Variants in MPDZ observed in about 807,000 individuals in gnomAD.
MPDZ encodes multiple PDZ domain crumbs cell polarity complex component.
A neutral mutation model predicts 239.1 loss-of-function variants in MPDZ; 234 were observed. The ratio of observed to expected loss-of-function variants is 0.98; its 90% confidence interval spans 0.88 to 1.09. The LOEUF is 1.09. Among genes scored for constraint, MPDZ ranks in the 50% least tolerant of loss-of-function variants. The pLI, the probability that MPDZ is intolerant of heterozygous loss-of-function variation, is 0.00. For missense variants in MPDZ, 3,175 were observed against 2,510.0 expected (o/e 1.26, Z -5.66); for synonymous variants, 1,048 against 881.3 (o/e 1.19, Z -3.35).
intron 3 of MPDZ, among the ~76,000 whole-genome samples, chr9:13,230,267 G>A (rs561219959): frequency 3.3e-5 from 5 of 152,120 alleles, no homozygotes; most frequent in Middle Eastern, 6.8e-3. Context: ...AACTAGATAT[G>A]CATTTACCAT....
At chr9:13,184,185 G>T (rs1953766101) in intron 18 of MPDZ, among the ~76,000 whole-genome samples, 1 of 151,984 alleles carries the variant, frequency 6.6e-6, no homozygotes, top group Non-Finnish European at 1.5e-5. Flanking sequence ...AAACTTGTAA[G>T]AAAACTCATA....
At chr9:13,155,797 T>C (rs753476955) in intron 24 of MPDZ, among the ~76,000 whole-genome samples, 3 of 152,186 alleles carry the variant, frequency 2.0e-5, no homozygotes, top group Admixed American at 6.6e-5. Context: ...GGTTACTCCA[T>C]TAAGCTTTCT....
chr9:13,119,979 C>A (rs995486782), intron 38 of MPDZ: 15 of 259,802 alleles, frequency 5.8e-5, no homozygotes, highest in African/African-American at 3.0e-4. Flanking sequence ...AAGAGTCAGT[C>A]CTTGGATGCA....
Position 13,221,400 on chromosome 9 carries a change from G to C in MPDZ, c.848C>G (p.Thr283Ser). 3.1e-6 allele frequency: 5 copies of C among 1,610,176 alleles called. No individual in the cohort carries two copies. The highest frequency in any genetic ancestry group is 1.1e-5 in the South Asian group (1 of 90,740). The change falls in exon 7 of 47, where the codon ACC becomes AGC. Residue 283 changes from threonine (T) to serine (S), a missense_variant. By Grantham distance (58) the Thr-to-Ser change is moderately conservative. Transcript: ENST00000319217. ...ATCAGCTACTCCTCCAGGCAGAATGGTTTTTACTATCACACCAGTTGCTTT... is the reference window on the plus strand; with the variant it reads ...ATCAGCTACTCCTCCAGGCAGAATGCTTTTTACTATCACACCAGTTGCTTT... ...GGKATGVIVK[T>S]ILPGGVADQH...
At position 13,140,009 on chromosome 9, in the gene MPDZ, C is replaced by T. The variant is rs753824854; in HGVS notation, c.3981G>A (p.Glu1327=). 32 of 1,613,274 alleles carry T rather than the reference C, an allele frequency of 2.0e-5. No homozygotes were observed. The highest frequency in any genetic ancestry group is 2.4e-5 in the Non-Finnish European group (28 of 1,179,652). ...TACTCCAGCTGTAACCAAACTCATC[C>T]TCTTTGTCCACATCTTGTGAGATTT... ...ASKISQDVDK[E]DEFGYSWKNI... is the part of the protein sequence containing the mutation. The change falls in exon 28 of 47, where the codon GAG becomes GAA. Residue 1327 remains glutamate (E), a synonymous_variant. Coordinates refer to ENST00000319217, the MANE Select transcript of MPDZ (RefSeq NM_001378778.1).
At chr9:13,198,126 T>C (rs934707340) in intron 12 of MPDZ, among the ~76,000 whole-genome samples, 7 of 152,268 alleles carry the variant, frequency 4.6e-5, no homozygotes, top group African/African-American at 1.7e-4. Context: ...GTAGGACTGC[T>C]GGATCATATG....
intron 3 of MPDZ, among the ~76,000 whole-genome samples, chr9:13,236,249 G>A (rs11792384): frequency 0.74 from 25,340 of 34,026 alleles, 9,570 homozygotes; most frequent in East Asian, 0.95. Flanking sequence ...GTGTGTGTGT[G>A]TATATATATA....
In MPDZ at chr9:13,215,017, T is replaced by C. The variant is rs117557763; in HGVS notation, c.1290+1757A>G. 1.6e-4 allele frequency among the ~76,000 whole-genome samples: 25 copies of C among 152,130 alleles called. No individual in the cohort carries two copies. In the East Asian group the frequency reaches 4.9e-3, roughly 30 times the overall value. On this transcript the variant is annotated intron_variant, in intron 10 of 46. Coordinates refer to ENST00000319217, the MANE Select transcript of MPDZ (RefSeq NM_001378778.1). ...TATTTACCATCTTACCCATTTTGAA[T>C]AGTACAATTCAATAGTGCTAAGTAT...
chr9:13,142,977 A>C (rs1319183745), intron 27 of MPDZ, among the ~76,000 whole-genome samples: 1 of 152,160 alleles, frequency 6.6e-6, no homozygotes, highest in Admixed American at 6.6e-5. Context: ...TTCCTGATTC[A>C]GGCAATTACA....
chr9:13,115,282 AAT>A lies in MPDZ; in HGVS notation c.5430_5431del (p.Phe1811ProfsTer14). On this transcript the variant is annotated frameshift_variant, in exon 40 of 47. Coordinates refer to ENST00000319217, the MANE Select transcript of MPDZ (RefSeq NM_001378778.1). LOFTEE classifies it high-confidence loss of function. ...TTGAGATGGCCTCCTCTCTGAATGGAATGGACCAGCTTTGATTCTTCCAACTT... is the reference window on the plus strand; with the variant it reads ...TTGAGATGGCCTCCTCTCTGAATGGAGGACCAGCTTTGATTCTTCCAACTT... 1 of 1,612,684 alleles carries A rather than the reference AAT, an allele frequency of 6.2e-7. No individual in the cohort carries two copies. The highest frequency in any genetic ancestry group is 8.5e-7 in the Non-Finnish European group (1 of 1,179,838).
chr9:13,186,994 G>C (rs556615691), intron 17 of MPDZ, among the ~76,000 whole-genome samples: 2 of 152,214 alleles, frequency 1.3e-5, no homozygotes, highest in Middle Eastern at 3.4e-3. Context: ...TTGCAGGTTA[G>C]AGATATCGTA....
chr9:13,279,250 T>TCCCCCCCCCCCCCCCCCC (rs1564192119), intron 1 of MPDZ, 150 bp downstream of exon 1: 1 of 45,844 alleles, frequency 2.2e-5, no homozygotes, highest in Non-Finnish European at 5.4e-5. Context: ...CCGCCACCCC[T>TCCCCCCCCCCCCCCCCCC]ACCCCCACCC....
chr9:13,147,004 A>C (rs892279134), intron 26 of MPDZ, among the ~76,000 whole-genome samples: 1 of 152,042 alleles, frequency 6.6e-6, no homozygotes, highest in Non-Finnish European at 1.5e-5. Context: ...CTATACAGTG[A>C]TGTGGCTAGA....
At chr9:13,228,642 C>A (rs531969364) in intron 3 of MPDZ, among the ~76,000 whole-genome samples, 15 of 152,052 alleles carry the variant, frequency 9.9e-5, no homozygotes, top group Non-Finnish European at 1.8e-4. Flanking sequence ...CATACCATAG[C>A]CATTAGCCAT....
intron 10 of MPDZ, among the ~76,000 whole-genome samples, chr9:13,215,148 A>G (rs1256036471): frequency 3.3e-5 from 5 of 151,890 alleles, no homozygotes; most frequent in African/African-American, 1.2e-4. Flanking sequence ...AGTCCCTGGG[A>G]GCCACTAATC....
chr9:13,222,492 A>G (rs1297047560), intron 5 of MPDZ, 46 bp from the exon 6 acceptor site: 1 of 1,466,972 alleles, frequency 6.8e-7, no homozygotes, highest in Non-Finnish European at 9.5e-7. Flanking sequence ...GAGAGTTCTC[A>G]AGGAAATGAC....
intron 24 of MPDZ, among the ~76,000 whole-genome samples, chr9:13,152,766 C>T (rs1460654240): frequency 6.6e-6 from 1 of 152,024 alleles, no homozygotes; most frequent in East Asian, 1.9e-4. Flanking sequence ...CTTGCTAATT[C>T]CTCTGTCTTG....
At chr9:13,272,566 T>G (rs1421317902) in intron 1 of MPDZ, among the ~76,000 whole-genome samples, 1 of 151,412 alleles carries the variant, frequency 6.6e-6, no homozygotes, top group Admixed American at 6.6e-5. Context: ...AATCCCAAAT[T>G]AGAAAATGAG....
chr9:13,199,660 T>G (rs1419465923), intron 12 of MPDZ, among the ~76,000 whole-genome samples: 1 of 152,122 alleles, frequency 6.6e-6, no homozygotes, highest in Non-Finnish European at 1.5e-5. Context: ...TTGATTATTC[T>G]GAGGCATGTT....
Sources: gnomAD v4.1 joint callset for allele counts (sites outside exome capture counted in the v4.1 genomes callset) on GRCh38, gnomAD v4.1.1 for gene constraint, MANE v1.5 for transcripts, NCBI Gene and HGNC (gene_info 2026-07-23, HGNC 2026-07-21) for gene names.